The following IFT25 variants were observed in gnomAD, a reference collection of about 807,000 sequenced individuals.
IFT25 encodes intraflagellar transport 25, also known as intraflagellar transport protein 25 homolog.
chr1:53,932,365 C>T, the IFT25 span, among the ~76,000 whole-genome samples: 1 of 151,610 alleles, frequency 6.6e-6, no homozygotes, highest in Non-Finnish European at 1.5e-5. Flanking sequence ...TTTCTAAGAT[C>T]CCTTCTGATT....
chr1:53,930,933 T>C, the IFT25 span, among the ~76,000 whole-genome samples: 1 of 152,248 alleles, frequency 6.6e-6, no homozygotes, highest in Admixed American at 6.5e-5. Flanking sequence ...ATTTTAACTA[T>C]ATAAGCTTTT....
At chr1:53,945,482 C>T in the IFT25 span, 2 of 152,634 alleles carry the variant, frequency 1.3e-5, no homozygotes, top group African/African-American at 4.8e-5. Flanking sequence ...ACCAACATCC[C>T]CGTCCTTCTG....
chr1:53,912,496 C>T, the IFT25 span, among the ~76,000 whole-genome samples: 5 of 152,268 alleles, frequency 3.3e-5, no homozygotes, highest in African/African-American at 1.2e-4. Context: ...ACTAAGTGCT[C>T]AGAGGGCACA....
chr1:53,940,089 G>A, the IFT25 span: 4 of 1,494,786 alleles, frequency 2.7e-6, no homozygotes, highest in Non-Finnish European at 3.7e-6. Context: ...TCATCTTAAA[G>A]TGTTTAACCT....
At chr1:53,930,139 TG>T in the IFT25 span, 1 of 1,548,816 alleles carries the variant, frequency 6.5e-7, no homozygotes, top group Non-Finnish European at 8.6e-7. Context: ...AAAACGTTTC[TG>T]GATTCCTATT....
At chr1:53,919,323 G>T in the IFT25 span, among the ~76,000 whole-genome samples, 1 of 152,206 alleles carries the variant, frequency 6.6e-6, no homozygotes, top group African/African-American at 2.4e-5. Context: ...GCACACTGGG[G>T]ATTTCCCTCT....
the IFT25 span, among the ~76,000 whole-genome samples, chr1:53,943,326 T>C: frequency 6.6e-6 from 1 of 152,074 alleles, no homozygotes; most frequent in Admixed American, 6.5e-5. Flanking sequence ...TTAGGAAAGG[T>C]AGATTGGGAA....
chr1:53,931,996 A>C, the IFT25 span, among the ~76,000 whole-genome samples: 11 of 152,082 alleles, frequency 7.2e-5, no homozygotes, highest in Non-Finnish European at 7.4e-5. Context: ...TTCCCTTGAG[A>C]CACTGCTTTA....
At chr1:53,935,635 T>G in the IFT25 span, among the ~76,000 whole-genome samples, 2 of 151,972 alleles carry the variant, frequency 1.3e-5, no homozygotes, top group Non-Finnish European at 2.9e-5. Context: ...AACTACTTTT[T>G]TTTTTTTTTT....
At chr1:53,920,280 A>G in the IFT25 span, among the ~76,000 whole-genome samples, 2 of 152,052 alleles carry the variant, frequency 1.3e-5, no homozygotes, top group Admixed American at 1.3e-4. Context: ...GAGTCCAATG[A>G]GGGTTTTGTT....
At chr1:53,932,428 T>TG in the IFT25 span, among the ~76,000 whole-genome samples, 1 of 152,222 alleles carries the variant, frequency 6.6e-6, no homozygotes, top group Admixed American at 6.5e-5. Flanking sequence ...TTCTAAGTTT[T>TG]GGGGGGTTTT....
the IFT25 span, chr1:53,923,745 A>G: frequency 1.7e-6 from 1 of 576,138 alleles, no homozygotes. Context: ...ATGTACATTT[A>G]GCTTATATTA....
chr1:53,916,655 T>G, the IFT25 span: 1 of 304,540 alleles, frequency 3.3e-6, no homozygotes, highest in Non-Finnish European at 6.0e-6. Flanking sequence ...GGTTCCAGTG[T>G]TACAAGAAAA....
chr1:53,945,324 T>C, the IFT25 span, among the ~76,000 whole-genome samples: 2 of 152,216 alleles, frequency 1.3e-5, no homozygotes, highest in African/African-American at 2.4e-5. Context: ...CAAGACGCTA[T>C]TTCTGGCCTC....
At chr1:53,920,108 T>C in the IFT25 span, among the ~76,000 whole-genome samples, 3 of 152,172 alleles carry the variant, frequency 2.0e-5, no homozygotes, top group Non-Finnish European at 4.4e-5. Context: ...CTAATGATGA[T>C]TCTCTAATTC....
the IFT25 span, among the ~76,000 whole-genome samples, chr1:53,920,067 G>C: frequency 2.7e-5 from 4 of 149,464 alleles, no homozygotes; most frequent in Non-Finnish European, 5.9e-5. Context: ...CCAAAGTGCT[G>C]GGATTATAGG....
chr1:53,944,616 C>T, the IFT25 span, among the ~76,000 whole-genome samples: 1 of 152,190 alleles, frequency 6.6e-6, no homozygotes, highest in South Asian at 2.1e-4. Flanking sequence ...TGCACTCCAG[C>T]GTGGGCGACG....
the IFT25 span, chr1:53,923,888 A>C: frequency 3.4e-6 from 5 of 1,474,828 alleles, no homozygotes; most frequent in South Asian, 5.7e-5. Flanking sequence ...TAATTCTATA[A>C]AGTATATTCA....
the IFT25 span, chr1:53,945,811 C>T: frequency 6.7e-6 from 1 of 149,096 alleles, no homozygotes; most frequent in Non-Finnish European, 1.5e-5. Flanking sequence ...GCTCTTTGCG[C>T]CACGACTCCC....
Sources: allele counts gnomAD v4.1 joint callset (sites outside exome capture counted in the v4.1 genomes callset), GRCh38; gene constraint gnomAD v4.1.1; transcripts MANE v1.5; gene names NCBI Gene and HGNC (gene_info 2026-07-23, HGNC 2026-07-21).